Variants in TBC1D22A observed in about 807,000 individuals in gnomAD.
TBC1D22A encodes the protein putative GTPase activator.
In TBC1D22A, 38 loss-of-function variants were observed where a neutral mutation model predicts 60.2. The ratio of observed to expected loss-of-function variants is 0.63; its 90% confidence interval spans 0.49 to 0.83. TBC1D22A has a LOEUF of 0.83. Ranked by LOEUF, TBC1D22A falls within the 40% of genes least tolerant of loss-of-function variation. The pLI, the probability that TBC1D22A is intolerant of heterozygous loss-of-function variation, is 0.00. For synonymous variants in TBC1D22A, 302 were observed against 281.7 expected (o/e 1.07, Z -0.72); for missense variants, 628 against 701.0 (o/e 0.90, Z 1.18).
intron 8 of TBC1D22A, among the ~76,000 whole-genome samples, chr22:46,943,408 A>G (rs541505970): frequency 8.5e-5 from 13 of 152,374 alleles, no homozygotes; most frequent in African/African-American, 3.1e-4. Context: ...CAAGGCAGAC[A>G]AAGAATTTGT....
chr22:46,846,341 CAT>C (rs540630032), intron 4 of TBC1D22A, among the ~76,000 whole-genome samples: 2 of 152,192 alleles, frequency 1.3e-5, no homozygotes, highest in Non-Finnish European at 2.9e-5. Flanking sequence ...GGCGTGGCGA[CAT>C]CGCTTACTCA....
intron 10 of TBC1D22A, among the ~76,000 whole-genome samples, chr22:47,005,965 T>C (rs2061578130): frequency 6.6e-6 from 1 of 151,484 alleles, no homozygotes; most frequent in Admixed American, 6.6e-5. Context: ...TACACATGCC[T>C]ATACACACAC....
intron 10 of TBC1D22A, among the ~76,000 whole-genome samples, chr22:47,008,944 T>C (rs895534014): frequency 2.0e-5 from 3 of 152,188 alleles, no homozygotes; most frequent in Non-Finnish European, 4.4e-5. Context: ...GATTTTGGTT[T>C]GGGGACTAGT....
At chr22:46,895,219 A>C (rs1417120398) in intron 7 of TBC1D22A, among the ~76,000 whole-genome samples, 1 of 150,498 alleles carries the variant, frequency 6.6e-6, no homozygotes, top group African/African-American at 2.5e-5. Flanking sequence ...CCCCTGTGCA[A>C]CCCCCTTCCT....
At chr22:46,839,852 G>GTA (rs1235809281) in intron 4 of TBC1D22A, among the ~76,000 whole-genome samples, 1 of 152,188 alleles carries the variant, frequency 6.6e-6, no homozygotes, top group Non-Finnish European at 1.5e-5. Context: ...AGGGAAAAGG[G>GTA]TAGTCTTTTC....
At chr22:46,763,514 C>G (rs2083183546) in intron 1 of TBC1D22A, among the ~76,000 whole-genome samples, 1 of 140,832 alleles carries the variant, frequency 7.1e-6, no homozygotes, top group African/African-American at 2.6e-5. Context: ...TGGCGCTGAG[C>G]TATGCCAGGG....
chr22:47,034,650 G>A (rs542020074), intron 10 of TBC1D22A, among the ~76,000 whole-genome samples: 17 of 152,318 alleles, frequency 1.1e-4, no homozygotes, highest in South Asian at 8.3e-4. Flanking sequence ...CTCCTCAAAC[G>A]TTTCTAGCCC....
chr22:47,123,505 A>G (rs2066345028), intron 12 of TBC1D22A, among the ~76,000 whole-genome samples: 1 of 152,186 alleles, frequency 6.6e-6, no homozygotes, highest in African/African-American at 2.4e-5. Context: ...GTGAACTCAC[A>G]CCCAGGACCC....
At chr22:46,884,833 T>C (rs1430277691) in intron 5 of TBC1D22A, among the ~76,000 whole-genome samples, 1 of 151,542 alleles carries the variant, frequency 6.6e-6, no homozygotes, top group Non-Finnish European at 1.5e-5. Flanking sequence ...GCAGGAGAGG[T>C]GTGGCATTTA....
chr22:46,861,014 T>C (rs2147349310), intron 4 of TBC1D22A, among the ~76,000 whole-genome samples: 1 of 152,286 alleles, frequency 6.6e-6, no homozygotes, highest in Non-Finnish European at 1.5e-5. Context: ...TAAGCTCTGT[T>C]GCCCTGGTCA....
At chr22:47,092,329 C>T (rs565137915) in intron 11 of TBC1D22A, among the ~76,000 whole-genome samples, 1 of 152,246 alleles carries the variant, frequency 6.6e-6, no homozygotes, top group East Asian at 1.9e-4. Flanking sequence ...GAGCCCGCAG[C>T]AGCCCAGAGT....
At chr22:46,902,456 T>C (rs916657341) in intron 7 of TBC1D22A, among the ~76,000 whole-genome samples, 2 of 152,240 alleles carry the variant, frequency 1.3e-5, no homozygotes, top group Non-Finnish European at 2.9e-5. Flanking sequence ...ATCCAGTGAG[T>C]ACTTCTTGTT....
chr22:46,940,671 G>A (rs1395828560), intron 8 of TBC1D22A, among the ~76,000 whole-genome samples: 1 of 143,552 alleles, frequency 7.0e-6, no homozygotes, highest in African/African-American at 2.6e-5. Flanking sequence ...ACAGCATGGG[G>A]ACCGGGGCAC....
intron 11 of TBC1D22A, among the ~76,000 whole-genome samples, chr22:47,066,738 G>A (rs1055253344): frequency 1.1e-4 from 16 of 152,286 alleles, no homozygotes; most frequent in Admixed American, 2.0e-4. Context: ...CTTGGGCATC[G>A]GGGAAACCCT....
chr22:46,880,105 C>T (rs1259979401), intron 5 of TBC1D22A, among the ~76,000 whole-genome samples: 1 of 152,138 alleles, frequency 6.6e-6, no homozygotes, highest in East Asian at 1.9e-4. Context: ...GTTTATTTTG[C>T]CAAGGTTGAG....
intron 1 of TBC1D22A, among the ~76,000 whole-genome samples, chr22:46,778,382 G>A (rs2083791264): frequency 6.6e-6 from 1 of 152,176 alleles, no homozygotes; most frequent in South Asian, 2.1e-4. Flanking sequence ...ACACAAATAC[G>A]TTGTACAGCT....
intron 10 of TBC1D22A, among the ~76,000 whole-genome samples, chr22:47,012,958 A>G (rs544473761): frequency 6.6e-6 from 1 of 152,282 alleles, no homozygotes; most frequent in South Asian, 2.1e-4. Context: ...ACCCCCACCC[A>G]GTCTGTCGTA....
intron 8 of TBC1D22A, among the ~76,000 whole-genome samples, chr22:46,931,210 C>T (rs897527461): frequency 6.6e-6 from 1 of 152,184 alleles, no homozygotes; most frequent in Admixed American, 6.5e-5. Flanking sequence ...TGATACATAG[C>T]CAGAGTTCTT....
intron 9 of TBC1D22A, among the ~76,000 whole-genome samples, chr22:46,979,074 C>A (rs2148153387): frequency 6.6e-6 from 1 of 152,314 alleles, no homozygotes; most frequent in South Asian, 2.1e-4. Context: ...GGTGGCCTAT[C>A]TTGCACTTTG....
Sources: allele counts gnomAD v4.1 joint callset (sites outside exome capture counted in the v4.1 genomes callset), GRCh38; gene constraint gnomAD v4.1.1; transcripts MANE v1.5; gene names NCBI Gene and HGNC (gene_info 2026-07-23, HGNC 2026-07-21).